MRPS28: variants seen among roughly 807,000 people sequenced by gnomAD.
The protein encoded by MRPS28 is small ribosomal subunit protein bS1m.
MRPS28 carries 7 observed loss-of-function variants against 10.8 expected under a neutral mutation model. That is an observed-to-expected ratio of 0.65 (90% CI 0.37 to 1.22). The LOEUF (loss-of-function observed/expected upper bound fraction) is 1.22, where lower values mean the gene tolerates loss of function less well. Among genes scored for constraint, MRPS28 ranks in the 50% most tolerant of loss-of-function variants. The probability of loss-of-function intolerance (pLI) is 0.02; values close to 1 mark genes in which losing one functional copy is unlikely to be tolerated. For synonymous variants in MRPS28, 121 were observed against 93.3 expected (o/e 1.30, Z -1.71); for missense variants, 265 against 232.9 (o/e 1.14, Z -0.90).
chr8:80,010,558 T>C (rs1809013289), intron 1 of MRPS28, among the ~76,000 whole-genome samples: 1 of 152,212 alleles, frequency 6.6e-6, no homozygotes, highest in Non-Finnish European at 1.5e-5. Flanking sequence ...AGTCCCCATG[T>C]TTTAATTTTT....
intron 1 of MRPS28, among the ~76,000 whole-genome samples, chr8:80,015,801 G>A (rs1809180711): frequency 6.6e-6 from 1 of 152,132 alleles, no homozygotes; most frequent in South Asian, 2.1e-4. Flanking sequence ...GAAATAAGAT[G>A]TAAGAACAGA....
At chr8:79,955,109 C>T (rs1189466914) in intron 2 of MRPS28, among the ~76,000 whole-genome samples, 2 of 152,174 alleles carry the variant, frequency 1.3e-5, no homozygotes, top group Non-Finnish European at 2.9e-5. Context: ...CGATAAGGTA[C>T]TGCTTTAAGT....
chr8:80,022,372 T>C (rs918394946), intron 1 of MRPS28, among the ~76,000 whole-genome samples: 1 of 152,216 alleles, frequency 6.6e-6, no homozygotes, highest in Non-Finnish European at 1.5e-5. Context: ...GCTTTCAGTT[T>C]TTGGCTATTA....
intron 2 of MRPS28, among the ~76,000 whole-genome samples, chr8:79,955,518 C>T (rs1404035835): frequency 1.3e-5 from 2 of 152,124 alleles, no homozygotes; most frequent in African/African-American, 4.8e-5. Context: ...CTTCCAATAA[C>T]ATTAAAGCCT....
At chr8:80,010,133 C>T (rs937448162) in intron 1 of MRPS28, among the ~76,000 whole-genome samples, 10 of 151,990 alleles carry the variant, frequency 6.6e-5, no homozygotes, top group African/African-American at 1.9e-4. Flanking sequence ...TTTTTTCTTA[C>T]AAAAATTTTT....
intron 2 of MRPS28, among the ~76,000 whole-genome samples, chr8:79,965,779 A>G (rs1807489325): frequency 6.6e-6 from 1 of 152,098 alleles, no homozygotes; most frequent in Non-Finnish European, 1.5e-5. Context: ...TGATAACAGG[A>G]AGAAAAAAAT....
chr8:79,945,231 T>C (rs1421345731), intron 2 of MRPS28, among the ~76,000 whole-genome samples: 1 of 152,108 alleles, frequency 6.6e-6, no homozygotes. Flanking sequence ...AATATGCATA[T>C]ATAATAACTA....
chr8:79,946,160 G>GA (rs1806910865), intron 2 of MRPS28, among the ~76,000 whole-genome samples: 2 of 152,136 alleles, frequency 1.3e-5, no homozygotes, highest in South Asian at 4.1e-4. Flanking sequence ...AATATATCAT[G>GA]AACCCATTCC....
Position 80,022,048 on chromosome 8 carries a change from A to C in MRPS28, c.213+7988T>G, listed in dbSNP as rs79596798. 1.5e-3 allele frequency among the ~76,000 whole-genome samples: 226 copies of C among 152,312 alleles called. 8 individuals are homozygous for C. The East Asian group carries it at 0.04, about 27-fold the overall frequency. ...CAAAATGCAGAACAAGTCCATTACC[A>C]CAAGGATTCCTTGTGCTGTCCTTTT... On this transcript the variant is annotated intron_variant, in intron 1 of 2. Coordinates refer to ENST00000276585, the MANE Select transcript of MRPS28 (RefSeq NM_014018.3).
chr8:80,030,194 C>G lies in MRPS28; in HGVS notation c.55G>C (p.Val19Leu), dbSNP rs1345327137. 3 of 1,614,262 alleles carry G rather than the reference C, an allele frequency of 1.9e-6. No individual in the cohort carries two copies. The highest frequency in any genetic ancestry group is 1.3e-5 in the African/African-American group (1 of 75,060). Residue 19 changes from valine (V) to leucine (L), a missense_variant, in exon 1 of 3, where the codon GTG (valine) becomes CTG (leucine). Coordinates refer to ENST00000276585, the MANE Select transcript of MRPS28 (RefSeq NM_014018.3). ...CGAAAGGGCCTGAAGAAGAGAAACA[C>G]TCGCAGAAAATGGCTCTCGGCAGCC... ...AVAAESHFLR[V>L]FLFFRPFRGV...
At chr8:80,021,570 G>T (rs1344593841) in intron 1 of MRPS28, among the ~76,000 whole-genome samples, 1 of 152,186 alleles carries the variant, frequency 6.6e-6, no homozygotes, top group Non-Finnish European at 1.5e-5. Flanking sequence ...GACAGAAGTT[G>T]TCTGACTAAA....
At chr8:80,011,701 C>T (rs561929228) in intron 1 of MRPS28, among the ~76,000 whole-genome samples, 15 of 151,598 alleles carry the variant, frequency 9.9e-5, no homozygotes, top group Non-Finnish European at 1.9e-4. Flanking sequence ...TGCAGTGAGC[C>T]GAGATGGCAC....
intron 2 of MRPS28, among the ~76,000 whole-genome samples, chr8:79,947,956 C>T (rs1283313381): frequency 1.4e-5 from 2 of 146,814 alleles, no homozygotes; most frequent in African/African-American, 2.5e-5. Flanking sequence ...TATTTTTATG[C>T]TATTATATAT....
chr8:80,005,518 G>C (rs1211149174), intron 1 of MRPS28, among the ~76,000 whole-genome samples: 1 of 152,196 alleles, frequency 6.6e-6, no homozygotes, highest in Non-Finnish European at 1.5e-5. Flanking sequence ...ACCGGTACCA[G>C]ACACTGCAAA....
chr8:80,023,284 G>A (rs928382325), intron 1 of MRPS28, among the ~76,000 whole-genome samples: 1 of 152,182 alleles, frequency 6.6e-6, no homozygotes, highest in Admixed American at 6.5e-5. Context: ...TCTTAAAGTT[G>A]TCAGTAAAAC....
At chr8:80,027,521 T>C (rs1433347203) in intron 1 of MRPS28, among the ~76,000 whole-genome samples, 1 of 152,084 alleles carries the variant, frequency 6.6e-6, no homozygotes, top group Non-Finnish European at 1.5e-5. Context: ...TGAATGGAGG[T>C]TTAGAAGATT....
intron 2 of MRPS28, among the ~76,000 whole-genome samples, chr8:79,946,631 C>A (rs1806927123): frequency 6.6e-6 from 1 of 152,064 alleles, no homozygotes; most frequent in African/African-American, 2.4e-5. Context: ...CAATGATTAT[C>A]TCTGAGTGGT....
intron 1 of MRPS28, among the ~76,000 whole-genome samples, chr8:80,012,554 G>T (rs533356712): frequency 1.3e-5 from 2 of 152,308 alleles, no homozygotes; most frequent in South Asian, 4.1e-4. Flanking sequence ...GTATCATAGA[G>T]CTCAGTGCCT....
intron 2 of MRPS28, among the ~76,000 whole-genome samples, chr8:79,984,531 T>C (rs1368909407): frequency 2.0e-5 from 3 of 152,036 alleles, no homozygotes; most frequent in African/African-American, 7.3e-5. Context: ...AGGAGACCCA[T>C]CTCATGTGCA....
Sources: gnomAD v4.1 joint callset for allele counts (sites outside exome capture counted in the v4.1 genomes callset) on GRCh38, gnomAD v4.1.1 for gene constraint, MANE v1.5 for transcripts, NCBI Gene and HGNC (gene_info 2026-07-23, HGNC 2026-07-21) for gene names.